Variants in ATXN7L1 observed in about 807,000 individuals in gnomAD.
ATXN7L1 encodes the protein ataxin 7 like 1, also known as ataxin-7-like protein 1.
A neutral mutation model predicts 70.8 loss-of-function variants in ATXN7L1; 15 were observed. The ratio of observed to expected loss-of-function variants is 0.21; its 90% CI spans 0.14 to 0.33. The LOEUF is 0.33. ATXN7L1 is among the 10% of genes least tolerant of loss of function. The pLI is 1.00. For missense variants in ATXN7L1, 975 were observed against 1,097.1 expected, an observed-to-expected ratio of 0.89 and a Z score of 1.57; for synonymous variants, 440 against 445.1, an observed-to-expected ratio of 0.99 and a Z score of 0.14.
chr7:105,872,882 C>T (rs573855893), intron 2 of ATXN7L1, among the ~76,000 whole-genome samples: 20 of 151,192 alleles, frequency 1.3e-4, no homozygotes, highest in Admixed American at 9.2e-4. Flanking sequence ...CCGCCGGGCA[C>T]GGTGGCTCAT....
intron 3 of ATXN7L1, among the ~76,000 whole-genome samples, chr7:105,705,648 C>A (rs1232864165): frequency 6.6e-6 from 1 of 152,210 alleles, no homozygotes; most frequent in Non-Finnish European, 1.5e-5. Context: ...CCACACTAGA[C>A]AACTGAGAGC....
chr7:105,668,950 T>A (rs186910250), intron 3 of ATXN7L1, among the ~76,000 whole-genome samples: 1 of 152,146 alleles, frequency 6.6e-6, no homozygotes, highest in Non-Finnish European at 1.5e-5. Flanking sequence ...AGTCTCTCTA[T>A]GTTCCCAGGC....
intron 3 of ATXN7L1, among the ~76,000 whole-genome samples, chr7:105,727,793 CAT>C (rs1201316053): frequency 1.5e-4 from 13 of 84,194 alleles, no homozygotes; most frequent in Admixed American, 5.6e-4. Flanking sequence ...CACATACACA[CAT>C]ATATATATGT....
In ATXN7L1 at chr7:105,868,983, TAAAG is replaced by T. The variant is rs1817872264; in HGVS notation, c.250+6825_250+6828del. On this transcript the variant is annotated intron_variant, in intron 2 of 11. Coordinates refer to ENST00000419735, the MANE Select transcript of ATXN7L1 (RefSeq NM_020725.2). Reference sequence around the variant, plus strand: ...AGGCACAAGGAAATAATTGTATGTATAAAGAAATACTCATTTTGGAAGCTTTGTA... The same window carrying T: ...AGGCACAAGGAAATAATTGTATGTATAAATACTCATTTTGGAAGCTTTGTA... Among the ~76,000 whole-genome samples the T allele has an allele frequency of 2.6e-5, 4 of 152,304 alleles. No individual in the cohort carries two copies. The South Asian group carries it at 8.3e-4, about 32-fold the overall frequency.
intron 2 of ATXN7L1, among the ~76,000 whole-genome samples, chr7:105,858,501 C>G: frequency 6.6e-6 from 1 of 152,162 alleles, no homozygotes. Flanking sequence ...CAGAGGATTC[C>G]ACAAAATTTC....
chr7:105,695,385 G>A (rs1791578483), intron 3 of ATXN7L1, among the ~76,000 whole-genome samples: 1 of 152,204 alleles, frequency 6.6e-6, no homozygotes. Context: ...CATAGTGAAT[G>A]TGCCTAACAC....
At chr7:105,608,125 G>A (rs1193303627) in intron 11 of ATXN7L1, among the ~76,000 whole-genome samples, 1 of 152,226 alleles carries the variant, frequency 6.6e-6, no homozygotes, top group Non-Finnish European at 1.5e-5. Flanking sequence ...TCACTGTGGA[G>A]GAAAACACAA....
intron 4 of ATXN7L1, among the ~76,000 whole-genome samples, chr7:105,664,453 ATATG>A (rs1458134115): frequency 1.3e-5 from 2 of 148,330 alleles, no homozygotes; most frequent in East Asian, 3.9e-4. Flanking sequence ...ATATATATAT[ATATG>A]TATGTGTGTA....
chr7:105,795,275 A>G (rs1309421436), intron 2 of ATXN7L1, among the ~76,000 whole-genome samples: 2 of 152,262 alleles, frequency 1.3e-5, no homozygotes, highest in Non-Finnish European at 2.9e-5. Context: ...AACTGGCAGC[A>G]TGGGAGCAGC....
chr7:105,796,829 T>C (rs1312904814), intron 2 of ATXN7L1, among the ~76,000 whole-genome samples: 1 of 152,198 alleles, frequency 6.6e-6, no homozygotes, highest in Non-Finnish European at 1.5e-5. Flanking sequence ...GACAGAATGA[T>C]TTTATTTGTT....
intron 2 of ATXN7L1, among the ~76,000 whole-genome samples, chr7:105,864,730 T>C (rs1172791316): frequency 6.6e-6 from 1 of 151,710 alleles, no homozygotes; most frequent in Non-Finnish European, 1.5e-5. Flanking sequence ...GCCTCCCGAA[T>C]TCAAGCAATT....
chr7:105,713,491 A>G (rs991881643), intron 3 of ATXN7L1, among the ~76,000 whole-genome samples: 1 of 152,228 alleles, frequency 6.6e-6, no homozygotes, highest in Non-Finnish European at 1.5e-5. Flanking sequence ...GGCCCTGAGG[A>G]TAACTGTCAG....
intron 3 of ATXN7L1, among the ~76,000 whole-genome samples, chr7:105,703,672 C>G (rs1368248161): frequency 1.3e-5 from 2 of 152,208 alleles, no homozygotes; most frequent in African/African-American, 4.8e-5. Context: ...AGAATCCAGC[C>G]AGGCCTGTCC....
chr7:105,704,133 C>A (rs1324729977), intron 3 of ATXN7L1, among the ~76,000 whole-genome samples: 1 of 152,160 alleles, frequency 6.6e-6, no homozygotes, highest in Non-Finnish European at 1.5e-5. Context: ...TGGTCCACAA[C>A]AAACATGCCA....
intron 3 of ATXN7L1, among the ~76,000 whole-genome samples, chr7:105,692,029 C>T (rs187989594): frequency 1.3e-5 from 2 of 152,056 alleles, no homozygotes; most frequent in African/African-American, 2.4e-5. Context: ...GTAACAATTA[C>T]GAATAAAAAA....
chr7:105,837,674 C>T (rs746334942), intron 2 of ATXN7L1, among the ~76,000 whole-genome samples: 5 of 152,066 alleles, frequency 3.3e-5, no homozygotes, highest in African/African-American at 4.8e-5. Flanking sequence ...AGGAGGTGAA[C>T]GCATGAACAG....
At chr7:105,807,442 G>A (rs781177949) in intron 2 of ATXN7L1, among the ~76,000 whole-genome samples, 22 of 152,304 alleles carry the variant, frequency 1.4e-4, no homozygotes, top group Non-Finnish European at 2.8e-4. Context: ...CATGCAGGGC[G>A]AGAACAGGAC....
chr7:105,677,950 C>T, intron 3 of ATXN7L1: 7 of 985,444 alleles, frequency 7.1e-6, no homozygotes, highest in Non-Finnish European at 8.4e-6. Flanking sequence ...ACTCACCCCA[C>T]AGACTGTCGT....
chr7:105,626,241 C>T (rs953856724), intron 7 of ATXN7L1, among the ~76,000 whole-genome samples: 1 of 152,186 alleles, frequency 6.6e-6, no homozygotes, highest in African/African-American at 2.4e-5. Flanking sequence ...ATGAATGACA[C>T]TTGAAAGCAT....
Sources: gnomAD v4.1 joint callset for allele counts (sites outside exome capture counted in the v4.1 genomes callset) on GRCh38, gnomAD v4.1.1 for gene constraint, MANE v1.5 for transcripts, NCBI Gene and HGNC (gene_info 2026-07-23, HGNC 2026-07-21) for gene names.